The following CHRNA3 variants were observed in gnomAD, a reference collection of about 807,000 sequenced individuals.
CHRNA3 encodes the protein cholinergic receptor nicotinic alpha 3 subunit, also known as neuronal acetylcholine receptor subunit alpha-3.
Under a neutral mutation model 41.9 loss-of-function variants are expected in CHRNA3, and 34 were observed. The ratio of observed to expected loss-of-function variants is 0.81; its 90% CI spans 0.62 to 1.08. The LOEUF is 1.08. CHRNA3 is among the 50% of genes least tolerant of loss of function. The pLI is 0.00. For missense variants in CHRNA3, 542 were observed against 638.3 expected (o/e 0.85, Z 1.63); for synonymous variants, 281 against 265.2 (o/e 1.06, Z -0.58).
intron 4 of CHRNA3, among the ~76,000 whole-genome samples, chr15:78,609,452 C>A (rs930812854): frequency 6.6e-6 from 1 of 152,124 alleles, no homozygotes; most frequent in Non-Finnish European, 1.5e-5. Context: ...GAATTTTCAA[C>A]CCAGAATTTC....
intron 4 of CHRNA3, among the ~76,000 whole-genome samples, chr15:78,612,085 G>A (rs1456926230): frequency 1.3e-5 from 2 of 151,952 alleles, no homozygotes; most frequent in Non-Finnish European, 2.9e-5. Context: ...ACAAATGGAA[G>A]AACATTCCAT....
At chr15:78,596,817 G>C in intron 5 of CHRNA3, 85 bp from the exon 6 acceptor site, 1 of 1,487,186 alleles carries the variant, frequency 6.7e-7, no homozygotes, top group Non-Finnish European at 8.9e-7. Context: ...TAATCAACAC[G>C]TTGCAGTAGA....
chr15:78,620,579 C>CGGG (rs1332382043), intron 1 of CHRNA3, 134 bp downstream of exon 1: 9 of 1,345,820 alleles, frequency 6.7e-6, no homozygotes, highest in Middle Eastern at 2.7e-4. Flanking sequence ...CCAGTCTGCG[C>CGGG]GGGTTCCGAG....
In CHRNA3 at chr15:78,620,637, C is replaced by T. The variant is rs2053535010; in HGVS notation, c.82+76G>A. ...TCTCCGCTCGCCCGCGCGGTGTTCT[C>T]GCCGGCAGCCCCTCCGGACCCCGCG... On this transcript the variant is annotated intron_variant, in intron 1 of 5. Transcript: ENST00000326828. 2.1e-6 allele frequency: 3 copies of T among 1,459,100 alleles called. No individual in the cohort carries two copies. In the South Asian group the frequency reaches 4.0e-5, roughly 19 times the overall value. 90.4% of individuals were successfully genotyped at this position (1,459,100 alleles called of 1,614,324 possible).
At chr15:78,594,069 G>A (rs527286235), downstream of CHRNA3, 40 of 152,212 alleles carry the variant, frequency 2.6e-4, no homozygotes, top group African/African-American at 8.7e-4. Flanking sequence ...AACTTAATGT[G>A]CTGCTGCTTT....
chr15:78,602,774 A>G (rs2053226161), intron 4 of CHRNA3, among the ~76,000 whole-genome samples: 1 of 152,120 alleles, frequency 6.6e-6, no homozygotes, highest in Non-Finnish European at 1.5e-5. Flanking sequence ...CCCCCATTAA[A>G]CGGAACCTTG....
At chr15:78,620,390 A>AGCGCGGGGCAGGGCGACGGGCC in intron 1 of CHRNA3, 11 of 341,304 alleles carry the variant, frequency 3.2e-5, no homozygotes, top group Non-Finnish European at 4.7e-5. Flanking sequence ...GGCGACGGGC[A>AGCGCGGGGCAGGGCGACGGGCC]GCGCGGGGAC....
intron 3 of CHRNA3, 83 bp downstream of exon 3, chr15:78,618,534 T>A: frequency 1.3e-6 from 2 of 1,508,020 alleles, no homozygotes; most frequent in Non-Finnish European, 9.2e-7. Flanking sequence ...TGAAGCCTGG[T>A]CTTTAGGCCT....
chr15:78,615,155 G>C (rs893831562), intron 4 of CHRNA3, among the ~76,000 whole-genome samples: 2 of 152,158 alleles, frequency 1.3e-5, no homozygotes, highest in Admixed American at 1.3e-4. Flanking sequence ...CTGGGAGCAC[G>C]GGGCCCAGAA....
intron 4 of CHRNA3, among the ~76,000 whole-genome samples, chr15:78,607,751 G>A (rs1324455613): frequency 6.6e-6 from 1 of 152,228 alleles, no homozygotes; most frequent in African/African-American, 2.4e-5. Flanking sequence ...CACTGTGCAT[G>A]AGCCAAAGCA....
In CHRNA3 at chr15:78,613,768, A is replaced by AC. The variant is rs1479959010; in HGVS notation, c.377+3255_377+3256insG. On this transcript the variant is annotated intron_variant, in intron 4 of 5. Coordinates refer to ENST00000326828, the MANE Select transcript of CHRNA3 (RefSeq NM_000743.5). ...CTGTAAAGCAGTGGCAAACAAACAA[A>AC]AAAAAAACCAAAAAAAACCACAAAA... Among the ~76,000 whole-genome samples the AC allele has an allele frequency of 2.4e-3, 176 of 73,866 alleles. 2 individuals are homozygous for AC. Among genetic ancestry groups the AC allele is most frequent in the African/African-American group, 0.014 (158 of 11,632 alleles). 48.5% of individuals were successfully genotyped at this position (73,866 alleles called of 152,430 possible).
chr15:78,598,717 T>A (rs147623276), intron 5 of CHRNA3, among the ~76,000 whole-genome samples: 2 of 152,224 alleles, frequency 1.3e-5, no homozygotes, highest in Non-Finnish European at 2.9e-5. Context: ...ATTTTTGTAT[T>A]TAGTAGAGAT....
intron 5 of CHRNA3, among the ~76,000 whole-genome samples, chr15:78,597,838 TTATTA>T (rs1567071909): frequency 6.6e-6 from 1 of 152,212 alleles, no homozygotes; most frequent in Non-Finnish European, 1.5e-5. Context: ...TGCTGCCTCT[TTATTA>T]TAAGTATACT....
rs1417462347 is a variant in CHRNA3 at position 78,596,022 on chromosome 15, T to C, written c.*582A>G. The C allele has an allele frequency of 1.0e-6, 1 of 965,378 alleles. No individual in the cohort carries two copies. The highest frequency in any genetic ancestry group is 1.2e-6 in the Non-Finnish European group (1 of 812,078). The allele number at this position is 965,378 out of a possible 1,614,324, so 59.8% of individuals were successfully genotyped here. A position where few individuals can be genotyped will look rare whatever the true frequency, so the allele number is the denominator to read the frequency against. The stretch of plus-strand genomic sequence containing the variant: ...CCAGTTTATGGTGTACTAAGACAGT[T>C]ATATTAACAATGAATAACTAGGCAT... On this transcript the variant is annotated 3_prime_UTR_variant, in exon 6 of 6. Transcript: ENST00000326828.
In CHRNA3 at chr15:78,596,816, C is replaced by T. The variant is rs553092417; in HGVS notation, c.1390-84G>A. ...TTCAATACTGAAGATGTAATCAACA[C>T]GTTGCAGTAGAAGCCATTTTGTCTC... On this transcript the variant is annotated intron_variant, in intron 5 of 5. Coordinates refer to ENST00000326828, the MANE Select transcript of CHRNA3 (RefSeq NM_000743.5). 3,576 of 1,497,216 alleles carry T rather than the reference C, an allele frequency of 2.4e-3. 12 individuals are homozygous for T. The highest frequency in any genetic ancestry group is 0.013 in the Middle Eastern group (63 of 4,880). The allele number at this position is 1,497,216 out of a possible 1,614,324, so 92.7% of individuals were successfully genotyped here.
At chr15:78,615,278 G>A (rs562816247) in intron 4 of CHRNA3, among the ~76,000 whole-genome samples, 4 of 152,312 alleles carry the variant, frequency 2.6e-5, no homozygotes, top group Admixed American at 1.3e-4. Context: ...AGGGTACACC[G>A]TGTAGCAGGG....
intron 1 of CHRNA3, chr15:78,619,747 GTCTTC>G (rs1342595561): frequency 6.6e-6 from 1 of 152,410 alleles, no homozygotes. Context: ...CGGGTCAGCT[GTCTTC>G]TGATTCCCAC....
At chr15:78,603,497 G>A (rs367599053) in intron 4 of CHRNA3, among the ~76,000 whole-genome samples, 6 of 152,196 alleles carry the variant, frequency 3.9e-5, no homozygotes, top group African/African-American at 1.4e-4. Flanking sequence ...ACATTCCTCG[G>A]ATCAGCCCTG....
rs185918769 is a variant in CHRNA3, at chr15:78,615,185, A to G, written c.377+1839T>C. Among the ~76,000 whole-genome samples the G allele has an allele frequency of 3.4e-3, 521 of 152,254 alleles. 4 individuals are homozygous for G. Among genetic ancestry groups the G allele is most frequent in the African/African-American group, 0.012 (505 of 41,560 alleles). On this transcript the variant is annotated intron_variant, in intron 4 of 5. Transcript: ENST00000326828. ...CCAGAATGCTCATCCTACTCTGTACATGGGAACCTTGCTTCACATACTTGG... is the reference window on the plus strand; with the variant it reads ...CCAGAATGCTCATCCTACTCTGTACGTGGGAACCTTGCTTCACATACTTGG...
Sources: gnomAD v4.1 joint callset for allele counts (sites outside exome capture counted in the v4.1 genomes callset) on GRCh38, gnomAD v4.1.1 for gene constraint, MANE v1.5 for transcripts, NCBI Gene and HGNC (gene_info 2026-07-23, HGNC 2026-07-21) for gene names.